The following CMTM4 variants were observed in gnomAD, a reference collection of about 807,000 sequenced individuals.
CMTM4 encodes the protein CKLF like MARVEL transmembrane domain containing 4, also known as CKLF-like MARVEL transmembrane domain-containing protein 4.
CMTM4 carries 8 observed loss-of-function variants against 19.0 expected under a neutral mutation model. The observed-to-expected ratio is 0.42, with a 90% CI of 0.25 to 0.76. The LOEUF (loss-of-function observed/expected upper bound fraction) is 0.76, where lower values mean the gene tolerates loss of function less well. Ranked by LOEUF, CMTM4 falls within the 30% of genes least tolerant of loss-of-function variation. CMTM4 has a pLI of 0.27. For synonymous variants in CMTM4, 106 were observed against 121.1 expected (o/e 0.88, Z 0.82); for missense variants, 228 against 290.2 (o/e 0.79, Z 1.56).
chr16:66,640,049 CG>C (rs2144817919), intron 1 of CMTM4, among the ~76,000 whole-genome samples: 1 of 151,590 alleles, frequency 6.6e-6, no homozygotes, highest in East Asian at 2.0e-4. Context: ...TTAGGGCAGG[CG>C]CAGTGGCTCA....
intron 2 of CMTM4, among the ~76,000 whole-genome samples, chr16:66,626,565 C>G (rs1419723990): frequency 1.3e-5 from 2 of 152,048 alleles, no homozygotes; most frequent in Non-Finnish European, 2.9e-5. Flanking sequence ...AAGATCTCGC[C>G]ACTGCACTCC....
the CMTM4 span, chr16:66,609,285 C>A: frequency 1.5e-6 from 1 of 651,686 alleles, no homozygotes; most frequent in Admixed American, 2.8e-5. This position sits in a 1 kb window ranked among gnomAD's most constrained non-coding sequence, Gnocchi z 4.4. Context: ...GGGGGTGGGA[C>A]AAGGGCCTAG....
intron 2 of CMTM4, among the ~76,000 whole-genome samples, chr16:66,634,397 G>A (rs1018495229): frequency 2.0e-5 from 3 of 150,690 alleles, no homozygotes; most frequent in Non-Finnish European, 3.0e-5. Flanking sequence ...CCGAGATCAC[G>A]CCACTGCACT....
chr16:66,651,921 A>G (rs2016318120), intron 1 of CMTM4, among the ~76,000 whole-genome samples: 2 of 152,234 alleles, frequency 1.3e-5, no homozygotes, highest in Non-Finnish European at 2.9e-5. Flanking sequence ...GCAAGTGTAA[A>G]TTATTCAATC....
At chr16:66,640,773 C>T (rs1434392258) in intron 1 of CMTM4, among the ~76,000 whole-genome samples, 3 of 152,168 alleles carry the variant, frequency 2.0e-5, no homozygotes, top group African/African-American at 2.4e-5. Flanking sequence ...GCCTTGCTCT[C>T]TCTTAGACCA....
At chr16:66,642,378 G>A (rs1237732802) in intron 1 of CMTM4, among the ~76,000 whole-genome samples, 7 of 152,138 alleles carry the variant, frequency 4.6e-5, no homozygotes, top group Admixed American at 4.6e-4. Flanking sequence ...TCCTTTCCAG[G>A]TGGCAACTAC....
At chr16:66,612,632 G>A (rs1308597937), downstream of CMTM4, 1 of 1,614,098 alleles carries the variant, frequency 6.2e-7, no homozygotes. This position sits in a 1 kb window ranked among gnomAD's most constrained non-coding sequence, Gnocchi z 6.0. Context: ...CTCGGACTCT[G>A]ACTGAAGGCC....
rs36018262 is a variant in CMTM4 at position 66,647,151 on chromosome 16, T to TAAA, written c.187-10573_187-10571dup. Among the ~76,000 whole-genome samples, 12 of 136,552 alleles carry TAAA rather than the reference T, an allele frequency of 8.8e-5. No individual in the cohort carries two copies. In the South Asian group the frequency reaches 1.4e-3, roughly 16 times the overall value. The allele number at this position is 136,552 out of a possible 152,430, so 89.6% of individuals were successfully genotyped here. ...TAATACGGTGAAACCCCGCCTCTACTAAAAAAAAAAAAAATACAAAAAAGT... is the reference window on the plus strand; with the variant it reads ...TAATACGGTGAAACCCCGCCTCTACTAAAAAAAAAAAAAAAAATACAAAAAAGT... On this transcript the variant is annotated intron_variant, in intron 1 of 3. Transcript: ENST00000394106.
At chr16:66,628,490 C>T (rs746086745) in intron 2 of CMTM4, among the ~76,000 whole-genome samples, 53 of 152,332 alleles carry the variant, frequency 3.5e-4, no homozygotes, top group Non-Finnish European at 6.8e-4. Context: ...TTTTACCAAG[C>T]ATACTGCTTG....
At chr16:66,606,902 G>A in the CMTM4 span, among the ~76,000 whole-genome samples, 1 of 152,238 alleles carries the variant, frequency 6.6e-6, no homozygotes, top group African/African-American at 2.4e-5. Flanking sequence ...GCTGAGGCAG[G>A]AGAATCACTT....
At chr16:66,605,087 T>C in the CMTM4 span, 6 of 856,710 alleles carry the variant, frequency 7.0e-6, no homozygotes, top group Non-Finnish European at 9.5e-6. This position sits in a 1 kb window ranked among gnomAD's most constrained non-coding sequence, Gnocchi z 4.6. Context: ...CTCGGCCGAC[T>C]TCTCTCGGGC....
chr16:66,624,358 T>C (rs572241381), intron 2 of CMTM4, among the ~76,000 whole-genome samples: 1 of 152,216 alleles, frequency 6.6e-6, no homozygotes. Flanking sequence ...AAAACCTCTA[T>C]AGGAAAAAAA....
chr16:66,620,185 A>C lies in CMTM4; in HGVS notation c.*1873T>G. 1 of 985,472 alleles carries C rather than the reference A, an allele frequency of 1.0e-6. No homozygotes were observed. Among genetic ancestry groups the C allele is most frequent in the Non-Finnish European group, 1.2e-6 (1 of 829,932 alleles). The allele number at this position is 985,472 out of a possible 1,614,324, so 61.0% of individuals were successfully genotyped here. ...TGGTCCTTCCAAGTGGGCCCCATTT[A>C]ATGCAAGGCTGAGCCTTTGTGGCCC... On this transcript the variant is annotated 3_prime_UTR_variant, in exon 4 of 4. Transcript: ENST00000394106.
chr16:66,695,056 G>C (rs937187778), intron 1 of CMTM4, among the ~76,000 whole-genome samples: 2 of 152,130 alleles, frequency 1.3e-5, no homozygotes, highest in African/African-American at 2.4e-5. Flanking sequence ...AGTAGGAAAA[G>C]GAGGACCAGG....
At chr16:66,685,541 T>C (rs982356313) in intron 1 of CMTM4, among the ~76,000 whole-genome samples, 35 of 152,184 alleles carry the variant, frequency 2.3e-4, no homozygotes, top group African/African-American at 8.4e-4. Context: ...CACCCAGGTA[T>C]GCATTCATTC....
chr16:66,640,345 C>T (rs1279478855), intron 1 of CMTM4, among the ~76,000 whole-genome samples: 2 of 152,112 alleles, frequency 1.3e-5, no homozygotes, highest in African/African-American at 4.8e-5. Context: ...GACAGAGTGT[C>T]CCTGGAGGGT....
intron 2 of CMTM4, among the ~76,000 whole-genome samples, chr16:66,628,594 GGC>G (rs2015790890): frequency 1.3e-5 from 2 of 152,304 alleles, no homozygotes; most frequent in Non-Finnish European, 2.9e-5. Flanking sequence ...TCAAGGTTGG[GGC>G]AAAGTGGCTG....
the CMTM4 span, chr16:66,604,609 C>T: frequency 1.4e-4 from 54 of 383,224 alleles, no homozygotes; most frequent in East Asian, 2.3e-3. Context: ...GCCCAGCATC[C>T]CCCGCAGCCG....
At chr16:66,600,066 G>C in the CMTM4 span, among the ~76,000 whole-genome samples, 1 of 151,068 alleles carries the variant, frequency 6.6e-6, no homozygotes, top group South Asian at 2.1e-4. Flanking sequence ...AAAAAAAATT[G>C]GGTTGTTTTC....
Sources: allele counts gnomAD v4.1 joint callset (sites outside exome capture counted in the v4.1 genomes callset), GRCh38; gene constraint gnomAD v4.1.1; non-coding constraint Gnocchi (gnomAD v3.1); transcripts MANE v1.5; gene names NCBI Gene and HGNC (gene_info 2026-07-23, HGNC 2026-07-21).